DMD: variants seen among roughly 807,000 people sequenced by gnomAD.
DMD encodes mutant dystrophin.
DMD carries 63 observed loss-of-function variants against 330.1 expected under a neutral mutation model. The ratio of observed to expected loss-of-function variants is 0.19; its 90% confidence interval spans 0.16 to 0.24. The LOEUF is 0.24. Among genes scored for constraint, DMD ranks in the 10% least tolerant of loss-of-function variants. The probability of loss-of-function intolerance (pLI) is 1.00; values close to 1 mark genes in which losing one functional copy is unlikely to be tolerated. For missense variants in DMD, 3,344 were observed against 2,684.1 expected (o/e 1.25, Z -5.43); for synonymous variants, 1,223 against 959.8 (o/e 1.27, Z -5.07).
intron 60 of DMD, among the ~76,000 whole-genome samples, chrX:31,352,836 T>A (rs1389057499): frequency 8.9e-6 from 1 of 112,144 alleles, no homozygotes; most frequent in Non-Finnish European, 1.9e-5. Context: ...AAGCTTTAGC[T>A]TGGGACTTAG....
chrX:33,054,839 C>T (rs1000065756), intron 1 of DMD, among the ~76,000 whole-genome samples: 6 of 111,696 alleles, frequency 5.4e-5, no homozygotes, highest in Non-Finnish European at 7.5e-5. Context: ...AGAAGTTTGG[C>T]ACATGATGTC....
At chrX:32,963,968 C>T (rs1300699567) in intron 2 of DMD, among the ~76,000 whole-genome samples, 4 of 111,258 alleles carry the variant, frequency 3.6e-5, no homozygotes, top group African/African-American at 1.3e-4. Context: ...AAAATATTCA[C>T]TGGTGGTCGG....
chrX:31,740,320 C>T (rs1451154762), intron 51 of DMD, among the ~76,000 whole-genome samples: 5 of 111,996 alleles, frequency 4.5e-5, no homozygotes, highest in Non-Finnish European at 9.4e-5. Context: ...AAAGGATAAT[C>T]AAGACAGGTT....
intron 44 of DMD, among the ~76,000 whole-genome samples, chrX:32,078,511 G>A (rs756325196): frequency 3.6e-5 from 4 of 111,916 alleles, no homozygotes; most frequent in African/African-American, 1.3e-4. Flanking sequence ...TTATAAAAAC[G>A]AACAAGTCTT....
chrX:33,175,309 C>A (rs767188173), intron 1 of DMD, among the ~76,000 whole-genome samples: 35 of 112,485 alleles, frequency 3.1e-4, no homozygotes, highest in Non-Finnish European at 6.2e-4. Flanking sequence ...GGGATAACTA[C>A]AAGGCCTGTT....
chrX:32,410,878 T>A (rs1036601172), intron 30 of DMD, among the ~76,000 whole-genome samples: 1 of 112,392 alleles, frequency 8.9e-6, no homozygotes, highest in African/African-American at 3.2e-5. Flanking sequence ...TTTTCAACAC[T>A]ATTTTAATTC....
chrX:32,489,967 T>A (rs928157771), intron 20 of DMD, among the ~76,000 whole-genome samples: 1 of 111,982 alleles, frequency 8.9e-6, no homozygotes, highest in Admixed American at 9.5e-5. Flanking sequence ...ACTTTCTGAG[T>A]TTATTTCCTC....
At position 31,820,100 on chromosome X, in the gene DMD, T is replaced by C; in HGVS notation, c.7201-17A>G. 1 of 1,127,385 alleles carries C rather than the reference T, an allele frequency of 8.9e-7. No individual in the cohort carries two copies. The highest frequency in any genetic ancestry group is 1.2e-6 in the Non-Finnish European group (1 of 818,374). 92.9% of individuals were successfully genotyped at this position (1,127,385 alleles called of 1,213,427 possible). ...TAACTTCCTCTTTAACAGAAAAGCA[T>C]ACACATTACTTATTCGATTAACACT... On this transcript the variant is annotated splice_polypyrimidine_tract_variant and intron_variant, in intron 49 of 78. Transcript: ENST00000357033.
At chrX:32,288,595 T>C (rs1339786719) in intron 42 of DMD, among the ~76,000 whole-genome samples, 2 of 111,954 alleles carry the variant, frequency 1.8e-5, no homozygotes, top group African/African-American at 6.5e-5. Context: ...TAAAACATAA[T>C]TGGGATCATA....
intron 1 of DMD, chrX:33,041,744 T>G: frequency 8.4e-7 from 1 of 1,185,976 alleles, no homozygotes; most frequent in South Asian, 1.8e-5. Flanking sequence ...ATGGGGTGGT[T>G]TTTGCATTAA....
chrX:32,893,531 ACT>A (rs1446955265), intron 2 of DMD, among the ~76,000 whole-genome samples: 3 of 111,378 alleles, frequency 2.7e-5, no homozygotes, highest in African/African-American at 6.5e-5. Context: ...TCAGTAATTT[ACT>A]CTTTGTCTTA....
chrX:31,454,680 A>T (rs2066023526), intron 59 of DMD, among the ~76,000 whole-genome samples: 1 of 111,811 alleles, frequency 8.9e-6, no homozygotes, highest in Admixed American at 9.5e-5. Context: ...TGGGCCTGAG[A>T]ATTTGGCATT....
intron 2 of DMD, among the ~76,000 whole-genome samples, chrX:32,921,802 T>G (rs185811573): frequency 8.9e-6 from 1 of 111,837 alleles, no homozygotes; most frequent in Non-Finnish European, 1.9e-5. Context: ...GAAATAATTA[T>G]AAGCATATTC....
intron 41 of DMD, among the ~76,000 whole-genome samples, chrX:32,314,251 C>G (rs984487487): frequency 2.7e-5 from 3 of 111,695 alleles, no homozygotes; most frequent in Non-Finnish European, 5.6e-5. Flanking sequence ...CACACATCTA[C>G]AACCATCTGA....
chrX:31,429,924 GAGTT>G (rs2063942222), intron 60 of DMD, among the ~76,000 whole-genome samples: 1 of 109,650 alleles, frequency 9.1e-6, no homozygotes. Flanking sequence ...GGAAATGACA[GAGTT>G]AGTCACAAAG....
At chrX:31,762,553 G>T (rs1167508452) in intron 51 of DMD, among the ~76,000 whole-genome samples, 3 of 111,458 alleles carry the variant, frequency 2.7e-5, no homozygotes, top group Non-Finnish European at 5.6e-5. Context: ...TGGCGACAGA[G>T]ACTCCATCTC....
Position 31,576,358 on chromosome X carries a change from T to C in DMD, c.8217+51315A>G, listed in dbSNP as rs1308121258. ...GTTCAGTGTAGTAAAATTATAAGAA[T>C]GATATTCTGATCACTTAATTCAAAA... On this transcript the variant is annotated intron_variant, in intron 55 of 78. Coordinates refer to ENST00000357033, the MANE Select transcript of DMD (RefSeq NM_004006.3). Among the ~76,000 whole-genome samples the C allele has an allele frequency of 6.3e-5, 7 of 111,933 alleles. No homozygotes were observed. In the Admixed American group the frequency reaches 6.6e-4, roughly 11 times the overall value.
intron 30 of DMD, among the ~76,000 whole-genome samples, chrX:32,391,597 T>C (rs1355365357): frequency 8.9e-6 from 1 of 112,488 alleles, no homozygotes; most frequent in Non-Finnish European, 1.9e-5. Context: ...AAATGTATCT[T>C]ATTTTATTAC....
rs369670845 is a variant in DMD, at chrX:32,365,116, G to C, written c.4929C>G (p.Gly1643=). 8 of 1,208,199 alleles carry C rather than the reference G, an allele frequency of 6.6e-6. No individual in the cohort carries two copies. The African/African-American group carries it at 1.4e-4, about 21-fold the overall frequency. Residue 1643 remains glycine (G), a synonymous_variant, in exon 35 of 79, where the codon GGC becomes GGG. Coordinates refer to ENST00000357033, the MANE Select transcript of DMD (RefSeq NM_004006.3). ...EVGEALKTVL[G]KKETLVEDKL... ...TATCTTCCACCAACGTCTCCTTCTTGCCCAAAACTGTTTTCAAGGCCTCTC... is the reference window on the plus strand; with the variant it reads ...TATCTTCCACCAACGTCTCCTTCTTCCCCAAAACTGTTTTCAAGGCCTCTC...
Sources: allele counts gnomAD v4.1 joint callset (sites outside exome capture counted in the v4.1 genomes callset), GRCh38; gene constraint gnomAD v4.1.1; transcripts MANE v1.5; gene names NCBI Gene and HGNC (gene_info 2026-07-23, HGNC 2026-07-21).